Variants in DMXL2 observed in about 807,000 individuals in gnomAD.
The protein encoded by DMXL2 is dmX-like protein 2.
Under a neutral mutation model 331.1 loss-of-function variants are expected in DMXL2, and 103 were observed. The observed-to-expected ratio is 0.31, with a 90% CI of 0.27 to 0.37. The LOEUF is 0.37. Ranked by LOEUF, DMXL2 falls within the 10% of genes least tolerant of loss-of-function variation. DMXL2 has a pLI of 1.00. For synonymous variants in DMXL2, 1,281 were observed against 1,252.1 expected (o/e 1.02, Z -0.49); for missense variants, 3,171 against 3,642.9 (o/e 0.87, Z 3.33).
intron 15 of DMXL2, among the ~76,000 whole-genome samples, chr15:51,511,066 G>A (rs762671507): frequency 3.9e-5 from 6 of 152,126 alleles, no homozygotes; most frequent in South Asian, 2.1e-4. Context: ...AGACTGAAAC[G>A]TAAGACCTAA....
chr15:51,499,061 C>A lies in DMXL2; in HGVS notation c.4163G>T (p.Gly1388Val), dbSNP rs777211389. 24 of 1,613,866 alleles carry A rather than the reference C, an allele frequency of 1.5e-5. No individual in the cohort carries two copies. In the South Asian group the frequency reaches 2.6e-4, roughly 18 times the overall value. Residue 1388 changes from glycine (G) to valine (V), a missense_variant, in exon 18 of 44, where the codon GGA (glycine) becomes GTA (valine). Transcript: ENST00000560891. Reference sequence around the variant, plus strand: ...AGAGAGATGTCGCTTAGTTCCTTCTCCAGCATCAGGATCTCTAACTATTGC... The same window carrying A: ...AGAGAGATGTCGCTTAGTTCCTTCTACAGCATCAGGATCTCTAACTATTGC... ...EVAIVRDPDA[G>V]EGTKRHLSRT...
At chr15:51,561,620 C>G (rs11070856) in intron 6 of DMXL2, among the ~76,000 whole-genome samples, 1 of 151,870 alleles carries the variant, frequency 6.6e-6, no homozygotes, top group Non-Finnish European at 1.5e-5. Context: ...GAAAACAGTA[C>G]GGAGTTTTCT....
At chr15:51,511,318 A>C (rs1267856526) in intron 15 of DMXL2, among the ~76,000 whole-genome samples, 1 of 152,230 alleles carries the variant, frequency 6.6e-6, no homozygotes, top group East Asian at 1.9e-4. Context: ...AATATCCAGA[A>C]TCTATAAGGA....
intron 3 of DMXL2, among the ~76,000 whole-genome samples, chr15:51,565,371 C>T (rs1031574501): frequency 6.6e-6 from 1 of 152,212 alleles, no homozygotes; most frequent in Middle Eastern, 3.4e-3. Flanking sequence ...CCATATTGAG[C>T]TCCTTGCCAT....
chr15:51,586,534 T>C (rs2051840437), intron 1 of DMXL2, among the ~76,000 whole-genome samples: 1 of 151,898 alleles, frequency 6.6e-6, no homozygotes, highest in Non-Finnish European at 1.5e-5. Flanking sequence ...ACTTTCTTTA[T>C]AAAAGTAAAA....
At chr15:51,511,237 A>G (rs1369535029) in intron 15 of DMXL2, among the ~76,000 whole-genome samples, 1 of 152,236 alleles carries the variant, frequency 6.6e-6, no homozygotes, top group African/African-American at 2.4e-5. Flanking sequence ...AAAAGAAACT[A>G]TCACCAGAAT....
chr15:51,579,238 G>A (rs771751800), intron 1 of DMXL2, among the ~76,000 whole-genome samples: 18 of 152,164 alleles, frequency 1.2e-4, no homozygotes, highest in Admixed American at 5.2e-4. Flanking sequence ...CCAGAGTTAC[G>A]CAATGCCTAC....
chr15:51,557,796 T>C (rs572527587), intron 6 of DMXL2, among the ~76,000 whole-genome samples: 1 of 152,310 alleles, frequency 6.6e-6, no homozygotes, highest in South Asian at 2.1e-4. Context: ...TTCCAATAAA[T>C]TGTTCAAGAC....
intron 16 of DMXL2, among the ~76,000 whole-genome samples, chr15:51,504,443 TC>T (rs2043909081): frequency 6.6e-6 from 1 of 152,208 alleles, no homozygotes; most frequent in East Asian, 1.9e-4. Context: ...CCAAAGAACT[TC>T]CAGTGAGTGT....
intron 1 of DMXL2, among the ~76,000 whole-genome samples, chr15:51,610,540 G>A (rs1463479492): frequency 5.9e-5 from 9 of 152,064 alleles, no homozygotes; most frequent in South Asian, 4.1e-4. Context: ...AGGCCGAGGC[G>A]GGCAGATCAT....
intron 1 of DMXL2, among the ~76,000 whole-genome samples, chr15:51,593,339 G>C (rs2052542169): frequency 6.6e-6 from 1 of 152,154 alleles, no homozygotes. Flanking sequence ...TAATGGTAAA[G>C]GGCTGAATTC....
chr15:51,595,556 T>A (rs1420333029), intron 1 of DMXL2, among the ~76,000 whole-genome samples: 2 of 152,168 alleles, frequency 1.3e-5, no homozygotes, highest in Admixed American at 1.3e-4. Flanking sequence ...CTTCACAGAA[T>A]TGGAAAAAAC....
intron 6 of DMXL2, among the ~76,000 whole-genome samples, chr15:51,548,781 C>T (rs2049033408): frequency 6.6e-6 from 1 of 151,784 alleles, no homozygotes; most frequent in Non-Finnish European, 1.5e-5. Flanking sequence ...TAGAAAATTC[C>T]CAAATATTTG....
In DMXL2 at chr15:51,622,523, G is replaced by T. The variant is rs75378828; in HGVS notation, c.23C>A (p.Thr8Asn). Residue 8 changes from threonine to asparagine, a missense_variant, in exon 1 of 44, where the codon ACC (threonine) becomes AAC (asparagine). Transcript: ENST00000560891. MHLHQVL[T>N]GAVNPGDNCY... ...GTTGTCTCCAGGGTTGACAGCTCCGGTGAGGACCTGATGCAGATGCATCTC... is the reference window on the plus strand; with the variant it reads ...GTTGTCTCCAGGGTTGACAGCTCCGTTGAGGACCTGATGCAGATGCATCTC... 1.3e-6 allele frequency: 2 copies of T among 1,561,108 alleles called. No individual in the cohort carries two copies. Among genetic ancestry groups the T allele is most frequent in the Non-Finnish European group, 1.7e-6 (2 of 1,152,178 alleles).
chr15:51,559,290 A>G lies in DMXL2; in HGVS notation c.567+4091T>C, dbSNP rs1025894237. Among the ~76,000 whole-genome samples the G allele has an allele frequency of 5.3e-5, 8 of 152,232 alleles. No individual in the cohort carries two copies. The East Asian group carries it at 1.2e-3, about 22-fold the overall frequency. ...ATAAAGAACTCCTACAAATCAACAA[A>G]AGACCAAAAACTATTTTAAAAACAG... On this transcript the variant is annotated intron_variant, in intron 6 of 43. Coordinates refer to ENST00000560891, the MANE Select transcript of DMXL2 (RefSeq NM_001378457.1).
At chr15:51,547,051 G>C (rs1231631731) in intron 7 of DMXL2, among the ~76,000 whole-genome samples, 179 bp downstream of exon 7, 1 of 152,136 alleles carries the variant, frequency 6.6e-6, no homozygotes, top group East Asian at 1.9e-4. Context: ...CTGAGGCATA[G>C]ACAGCTTAAG....
In DMXL2 at chr15:51,536,439, A is replaced by C. The variant is rs201747716; in HGVS notation, c.2041T>G (p.Cys681Gly). The change falls in exon 12 of 44, where the codon TGT (cysteine) becomes GGT (glycine). Residue 681 changes from cysteine to glycine, a missense_variant. Physicochemically the swap from Cys to Gly is radical, Grantham distance 159. This residue lies in a region of DMXL2 where 1,674 missense variants were observed against 1,780.2 expected (regional missense o/e 0.94). Transcript: ENST00000560891. Reference sequence around the variant, plus strand: ...AATTTATTGTCTGAGTCCCACTGACAATCTAATTCAGGAGTCAATAGAGCA... The same window carrying C: ...AATTTATTGTCTGAGTCCCACTGACCATCTAATTCAGGAGTCAATAGAGCA... ...HNALLTPELD[C>G]QWDSDNKLSR... 982 of 1,614,036 alleles carry C rather than the reference A, an allele frequency of 6.1e-4. 13 individuals carry two copies. The South Asian group carries it at 0.01, about 17-fold the overall frequency.
chr15:51,516,051 A>C (rs1005776700), intron 14 of DMXL2, among the ~76,000 whole-genome samples: 2 of 152,160 alleles, frequency 1.3e-5, no homozygotes, highest in Admixed American at 1.3e-4. Context: ...AAATGAGTAC[A>C]TTTTCCCCAA....
chr15:51,496,651 G>A (rs2043199311), intron 18 of DMXL2, among the ~76,000 whole-genome samples: 1 of 152,200 alleles, frequency 6.6e-6, no homozygotes, highest in South Asian at 2.1e-4. Context: ...GAGGTAAAAA[G>A]AATAAAGCAG....
Sources: allele counts gnomAD v4.1 joint callset (sites outside exome capture counted in the v4.1 genomes callset), GRCh38; gene constraint gnomAD v4.1.1; regional missense constraint gnomAD v4.1.1; transcripts MANE v1.5; gene names NCBI Gene and HGNC (gene_info 2026-07-23, HGNC 2026-07-21).